Variants in PNPT1 observed in about 807,000 individuals in gnomAD.
The protein encoded by PNPT1 is polyribonucleotide nucleotidyltransferase 1, mitochondrial.
In PNPT1, 53 loss-of-function variants were observed where a neutral mutation model predicts 119.5. The ratio of observed to expected loss-of-function variants is 0.44; its 90% CI spans 0.36 to 0.56. The LOEUF (loss-of-function observed/expected upper bound fraction) is 0.56. Among genes scored for constraint, PNPT1 ranks in the 20% least tolerant of loss-of-function variants. PNPT1 has a pLI of 0.00. For missense variants in PNPT1, 948 were observed against 938.5 expected (o/e 1.01, Z -0.13); for synonymous variants, 357 against 322.1 (o/e 1.11, Z -1.16).
chr2:55,686,564 C>T (rs1243473910), intron 2 of PNPT1, 120 bp from the exon 3 acceptor site: 7 of 669,384 alleles, frequency 1.0e-5, no homozygotes, highest in South Asian at 6.3e-5. Flanking sequence ...TTCTACGACA[C>T]GATTATGAAA....
chr2:55,659,993 A>G (rs1206361680), intron 15 of PNPT1, among the ~76,000 whole-genome samples, 164 bp downstream of exon 15: 1 of 152,082 alleles, frequency 6.6e-6, no homozygotes, highest in Non-Finnish European at 1.5e-5. Flanking sequence ...AATCCCAGCT[A>G]CTTGGGAGGC....
rs1268375725 is a variant in PNPT1, at chr2:55,645,120, T to G, written c.1822+229A>C. 3 of 311,718 alleles carry G rather than the reference T, an allele frequency of 9.6e-6. No homozygotes were observed. In the Admixed American group the frequency reaches 1.5e-4, roughly 15 times the overall value. The allele number at this position is 311,718 out of a possible 1,614,324, so 19.3% of individuals were successfully genotyped here. ...CTCACTGCAAGCTCCGCCTCCCGGGTTCATGCCATTCTCCTGCCTCAGCCT... is the reference window on the plus strand; with the variant it reads ...CTCACTGCAAGCTCCGCCTCCCGGGGTCATGCCATTCTCCTGCCTCAGCCT... On this transcript the variant is annotated intron_variant, in intron 22 of 27. Coordinates refer to ENST00000447944, the MANE Select transcript of PNPT1 (RefSeq NM_033109.5).
chr2:55,671,516 A>T, intron 10 of PNPT1, 140 bp from the exon 11 acceptor site: 1 of 513,936 alleles, frequency 1.9e-6, no homozygotes, highest in Admixed American at 4.0e-5. Context: ...TTGGTTCTTG[A>T]TTTATGACAA....
At position 55,679,776 on chromosome 2, in the gene PNPT1, T is replaced by A; in HGVS notation, c.585A>T (p.Ile195=). Residue 195 remains isoleucine (I), a synonymous_variant, in exon 8 of 28, where the codon ATA becomes ATT. Coordinates refer to ENST00000447944, the MANE Select transcript of PNPT1 (RefSeq NM_033109.5). The part of the protein sequence containing the change: ...NGPVGAVRIG[I]IDGEYVVNPT... ...GGTTAACAACATATTCTCCATCAATTATTCCTATTCGTACTGCCCCTAAAA... is the reference window on the plus strand; with the variant it reads ...GGTTAACAACATATTCTCCATCAATAATTCCTATTCGTACTGCCCCTAAAA... 1.2e-6 allele frequency: 2 copies of A among 1,608,430 alleles called. No homozygotes were observed. The highest frequency in any genetic ancestry group is 1.7e-6 in the Non-Finnish European group (2 of 1,176,338).
At chr2:55,689,848 G>T (rs779871313) in intron 1 of PNPT1, among the ~76,000 whole-genome samples, 2 of 152,132 alleles carry the variant, frequency 1.3e-5, no homozygotes, top group Non-Finnish European at 2.9e-5. Flanking sequence ...TTGAGATAGG[G>T]TCTTGCTCTG....
chr2:55,659,469 G>A (rs1256217254), intron 15 of PNPT1, among the ~76,000 whole-genome samples: 3 of 151,558 alleles, frequency 2.0e-5, no homozygotes. Context: ...TTTGGGAGTT[G>A]AGGTATTTAA....
intron 5 of PNPT1, among the ~76,000 whole-genome samples, chr2:55,681,196 C>G (rs1356256791): frequency 6.6e-6 from 1 of 151,882 alleles, no homozygotes; most frequent in Non-Finnish European, 1.5e-5. Flanking sequence ...CACCTGAGGT[C>G]AAGAGTTTGA....
intron 4 of PNPT1, 55 bp from the exon 5 acceptor site, chr2:55,683,889 T>A: frequency 1.9e-6 from 3 of 1,551,408 alleles, no homozygotes; most frequent in Non-Finnish European, 2.7e-6. Context: ...GCTTTACAGT[T>A]CAAAACGTTT....
chr2:55,673,168 T>C lies in PNPT1; in HGVS notation c.680-89A>G, dbSNP rs540162534. 5.1e-5 allele frequency: 53 copies of C among 1,048,818 alleles called. No homozygotes were observed. The African/African-American group carries it at 7.2e-4, about 14-fold the overall frequency. The allele number at this position is 1,048,818 out of a possible 1,614,324, so 65.0% of individuals were successfully genotyped here. On this transcript the variant is annotated intron_variant, in intron 8 of 27. Coordinates refer to ENST00000447944, the MANE Select transcript of PNPT1 (RefSeq NM_033109.5). Reference sequence around the variant, plus strand: ...CAAATACCATGACATGACATAAATATTATGGATCAATTTTACTTCTTAGTG... The same window carrying C: ...CAAATACCATGACATGACATAAATACTATGGATCAATTTTACTTCTTAGTG...
At chr2:55,648,213 C>T (rs984545300) in intron 18 of PNPT1, among the ~76,000 whole-genome samples, 2 of 152,204 alleles carry the variant, frequency 1.3e-5, no homozygotes, top group African/African-American at 2.4e-5. Flanking sequence ...TTACTCGTGG[C>T]GGCAGACTGT....
At position 55,636,067 on chromosome 2, in the gene PNPT1, T is replaced by G; in HGVS notation, c.*170A>C. 2.6e-6 allele frequency: 1 copy of G among 385,012 alleles called. No individual in the cohort carries two copies. The highest frequency in any genetic ancestry group is 4.5e-6 in the Non-Finnish European group (1 of 223,028). 23.8% of individuals were successfully genotyped at this position (385,012 alleles called of 1,614,324 possible). A position where few individuals can be genotyped will look rare whatever the true frequency, so the allele number is the denominator to read the frequency against. On this transcript the variant is annotated 3_prime_UTR_variant, in exon 28 of 28. Coordinates refer to ENST00000447944, the MANE Select transcript of PNPT1 (RefSeq NM_033109.5). ...GTAAATACAATTAAACAAATATGGGTTACTCGAATTAAAAAAATGGCACAT... is the reference window on the plus strand; with the variant it reads ...GTAAATACAATTAAACAAATATGGGGTACTCGAATTAAAAAAATGGCACAT...
At chr2:55,656,106 TGAAA>T (rs780069493) in intron 17 of PNPT1, 21 bp downstream of exon 17, 120 of 1,598,156 alleles carry the variant, frequency 7.5e-5, no homozygotes, top group Non-Finnish European at 9.8e-5. Flanking sequence ...TTTTCTACTA[TGAAA>T]GAAGTATTTC....
Position 55,640,616 on chromosome 2 carries a change from T to A in PNPT1, c.2148+11A>T. On this transcript the variant is annotated intron_variant, in intron 26 of 27. Transcript: ENST00000447944. ...TTATAAAAATAATAACAATAACATCTGTCTTTTTACCTTTCGTTGATCAAG... is the reference window on the plus strand; with the variant it reads ...TTATAAAAATAATAACAATAACATCAGTCTTTTTACCTTTCGTTGATCAAG... 1 of 1,555,800 alleles carries A rather than the reference T, an allele frequency of 6.4e-7. No individual in the cohort carries two copies. Among genetic ancestry groups the A allele is most frequent in the Non-Finnish European group, 8.9e-7 (1 of 1,128,930 alleles).
At chr2:55,641,749 T>C (rs1695839519) in intron 25 of PNPT1, among the ~76,000 whole-genome samples, 2 of 152,346 alleles carry the variant, frequency 1.3e-5, no homozygotes, top group African/African-American at 4.8e-5. Context: ...TTTTGCTACA[T>C]TTGATAATTT....
At chr2:55,666,614 A>C (rs1291358109) in intron 13 of PNPT1, among the ~76,000 whole-genome samples, 1 of 152,128 alleles carries the variant, frequency 6.6e-6, no homozygotes. Context: ...CTGTGGTAGG[A>C]GGATTGCTTG....
At chr2:55,656,092 G>C in intron 17 of PNPT1, 39 bp downstream of exon 17, 2 of 1,586,308 alleles carry the variant, frequency 1.3e-6, no homozygotes, top group Non-Finnish European at 8.5e-7. Flanking sequence ...TAGGGAATAT[G>C]GTCTTTTCTA....
At chr2:55,636,652 C>A (rs1012584006) in intron 27 of PNPT1, among the ~76,000 whole-genome samples, 18 of 152,262 alleles carry the variant, frequency 1.2e-4, no homozygotes, top group African/African-American at 3.6e-4. Flanking sequence ...TCTCACCAGG[C>A]CAAGTCCTTA....
chr2:55,672,324 T>G (rs1426326373), intron 9 of PNPT1, among the ~76,000 whole-genome samples: 1 of 152,382 alleles, frequency 6.6e-6, no homozygotes. Flanking sequence ...CTTTCATATA[T>G]TCTTTTTAAC....
intron 3 of PNPT1, 150 bp downstream of exon 3, chr2:55,686,219 CT>C: frequency 1.6e-6 from 1 of 642,636 alleles, no homozygotes; most frequent in African/African-American, 1.9e-5. Flanking sequence ...GCAGTTTATA[CT>C]CTTTTAATGA....
Sources: gnomAD v4.1 joint callset for allele counts (sites outside exome capture counted in the v4.1 genomes callset) on GRCh38, gnomAD v4.1.1 for gene constraint, MANE v1.5 for transcripts, NCBI Gene and HGNC (gene_info 2026-07-23, HGNC 2026-07-21) for gene names.